FAAH2: variants seen among roughly 807,000 people sequenced by gnomAD.
The protein encoded by FAAH2 is fatty acid amide hydrolase 2.
A neutral mutation model predicts 36.9 loss-of-function variants in FAAH2; 60 were observed. That is an observed-to-expected ratio of 1.63 (90% CI 1.32 to 2.02). FAAH2 has a LOEUF of 2.02. Among genes scored for constraint, FAAH2 ranks in the 30% most tolerant of loss-of-function variants. FAAH2 has a pLI of 0.00. For synonymous variants in FAAH2, 214 were observed against 143.8 expected, an observed-to-expected ratio of 1.49 and a Z score of -3.49; for missense variants, 689 against 397.5, an observed-to-expected ratio of 1.73 and a Z score of -6.23.
intron 10 of FAAH2, among the ~76,000 whole-genome samples, chrX:57,477,341 A>G (rs1266131523): frequency 9.0e-6 from 1 of 111,214 alleles, no homozygotes; most frequent in Non-Finnish European, 1.9e-5. Context: ...ACAAAGCAGG[A>G]TATTAAGCTG....
intron 10 of FAAH2, among the ~76,000 whole-genome samples, chrX:57,456,798 T>TA (rs963358813): frequency 4.5e-5 from 5 of 110,905 alleles, no homozygotes; most frequent in Admixed American, 9.6e-5. Flanking sequence ...GAATCACTAA[T>TA]AAAAAAACTT....
At chrX:57,403,091 T>C (rs928617773) in intron 7 of FAAH2, among the ~76,000 whole-genome samples, 4 of 112,023 alleles carry the variant, frequency 3.6e-5, no homozygotes, top group African/African-American at 9.7e-5. Context: ...TATTATAATT[T>C]GCTTCAAGTC....
upstream of FAAH2, among the ~76,000 whole-genome samples, chrX:57,285,274 T>C (rs1190478549): frequency 8.9e-6 from 1 of 111,891 alleles, no homozygotes; most frequent in Non-Finnish European, 1.9e-5. Context: ...GATGACGTTG[T>C]CATTTCACCT....
chrX:57,468,271 A>C (rs1602765235), intron 10 of FAAH2, among the ~76,000 whole-genome samples: 1 of 112,090 alleles, frequency 8.9e-6, no homozygotes, highest in African/African-American at 3.2e-5. Flanking sequence ...AGTTGAGAGA[A>C]GAAGGCTTCA....
chrX:57,440,833 G>T (rs181081603), intron 8 of FAAH2, among the ~76,000 whole-genome samples: 23 of 111,581 alleles, frequency 2.1e-4, no homozygotes, highest in African/African-American at 7.1e-4. Flanking sequence ...TTTTGTCAAT[G>T]GCCTTTTCTG....
chrX:57,293,873 C>G (rs909300993), intron 2 of FAAH2, among the ~76,000 whole-genome samples: 2 of 110,257 alleles, frequency 1.8e-5, no homozygotes, highest in Non-Finnish European at 1.9e-5. Flanking sequence ...AGGGCAGTGA[C>G]TGTCAGGGGA....
chrX:57,461,137 C>T (rs916362923), intron 10 of FAAH2, among the ~76,000 whole-genome samples: 84 of 71,396 alleles, frequency 1.2e-3, no homozygotes, highest in African/African-American at 2.9e-3. Context: ...ACAGGAGCAC[C>T]AGATTAATAA....
the FAAH2 span, among the ~76,000 whole-genome samples, chrX:57,235,126 A>T: frequency 9.0e-6 from 1 of 111,079 alleles, no homozygotes; most frequent in Non-Finnish European, 1.9e-5. Flanking sequence ...GTGTATGATC[A>T]GGAACAAGGT....
chrX:57,339,321 G>A (rs950411401), intron 4 of FAAH2, among the ~76,000 whole-genome samples: 24 of 112,007 alleles, frequency 2.1e-4, no homozygotes, highest in Admixed American at 1.9e-3. Flanking sequence ...TTAGAAGAAA[G>A]TCTAGGCAGT....
the FAAH2 span, among the ~76,000 whole-genome samples, chrX:57,240,952 C>T: frequency 3.6e-5 from 4 of 111,975 alleles, no homozygotes; most frequent in Non-Finnish European, 7.5e-5. Flanking sequence ...GACTGATAGT[C>T]AACAAAATCC....
chrX:57,272,173 G>A, the FAAH2 span, among the ~76,000 whole-genome samples: 23 of 105,701 alleles, frequency 2.2e-4, no homozygotes, highest in Non-Finnish European at 1.7e-4. Context: ...CCAACTTAAT[G>A]AAATAAAGAG....
chrX:57,417,083 C>T (rs1263989702), intron 7 of FAAH2, among the ~76,000 whole-genome samples: 2 of 111,979 alleles, frequency 1.8e-5, no homozygotes, highest in Non-Finnish European at 3.8e-5. Context: ...TCTGTCAGAT[C>T]ATTTATGTTC....
At chrX:57,305,798 T>G in intron 2 of FAAH2, among the ~76,000 whole-genome samples, 1 of 111,517 alleles carries the variant, frequency 9.0e-6, no homozygotes. Context: ...AGTCCAGCTT[T>G]TTGAGTTATT....
At chrX:57,299,592 G>A (rs1231068933) in intron 2 of FAAH2, among the ~76,000 whole-genome samples, 1 of 112,036 alleles carries the variant, frequency 8.9e-6, no homozygotes, top group Non-Finnish European at 1.9e-5. Context: ...CATAGTGTTG[G>A]AAGTTCTGTC....
intron 2 of FAAH2, among the ~76,000 whole-genome samples, chrX:57,294,195 A>G (rs946062219): frequency 8.9e-6 from 1 of 112,347 alleles, no homozygotes; most frequent in Non-Finnish European, 1.9e-5. Flanking sequence ...CATGAGCTCA[A>G]TAAATGGAGC....
the FAAH2 span, among the ~76,000 whole-genome samples, chrX:57,244,970 GTA>G: frequency 2.7e-5 from 3 of 111,350 alleles, no homozygotes; most frequent in African/African-American, 9.8e-5. Context: ...TTGGTGTGCT[GTA>G]TTCAGGAGAC....
chrX:57,142,752 T>C, the FAAH2 span, among the ~76,000 whole-genome samples: 1 of 112,034 alleles, frequency 8.9e-6, no homozygotes, highest in Non-Finnish European at 1.9e-5. Flanking sequence ...CTCTCTTTAG[T>C]TGTACTAATA....
intron 7 of FAAH2, among the ~76,000 whole-genome samples, chrX:57,384,748 A>G (rs1433852961): frequency 8.9e-6 from 1 of 111,788 alleles, no homozygotes; most frequent in Non-Finnish European, 1.9e-5. Flanking sequence ...TAGTTCAACC[A>G]TTGTGGAAGT....
the FAAH2 span, among the ~76,000 whole-genome samples, chrX:57,124,391 GT>G: frequency 8.9e-6 from 1 of 111,767 alleles, no homozygotes; most frequent in Non-Finnish European, 1.9e-5. Flanking sequence ...GTACCATGCT[GT>G]TTTGGTTAGT....
Sources: gnomAD v4.1 joint callset for allele counts (sites outside exome capture counted in the v4.1 genomes callset) on GRCh38, gnomAD v4.1.1 for gene constraint, MANE v1.5 for transcripts, NCBI Gene and HGNC (gene_info 2026-07-23, HGNC 2026-07-21) for gene names.